The following SNAP25 variants were observed in gnomAD, a reference collection of about 807,000 sequenced individuals.
SNAP25 encodes synaptosome associated protein 25, also known as synaptosomal-associated protein 25.
Under a neutral mutation model 28.7 loss-of-function variants are expected in SNAP25, and 3 were observed. The observed-to-expected ratio is 0.10, with a 90% confidence interval of 0.05 to 0.27. The LOEUF (loss-of-function observed/expected upper bound fraction) is 0.27. SNAP25 is among the 10% of genes least tolerant of loss of function. The pLI, the probability that SNAP25 is intolerant of heterozygous loss-of-function variation, is 1.00. For missense variants in SNAP25, 117 were observed against 278.7 expected (o/e 0.42, Z 4.13); for synonymous variants, 61 against 88.1 (o/e 0.69, Z 1.72).
rs781311888 is a variant in SNAP25, at chr20:10,306,231, C to T, written c.*34C>T. 38 of 1,599,670 alleles carry T rather than the reference C, an allele frequency of 2.4e-5. No individual in the cohort carries two copies. The highest frequency in any genetic ancestry group is 1.7e-4 in the South Asian group (15 of 90,612). Reference sequence around the variant, plus strand: ...ACCCGTGTTCTCCTCCAAATGCTGTCGGGCAAGATAGCTCCTTCATGCTTT... The same window carrying T: ...ACCCGTGTTCTCCTCCAAATGCTGTTGGGCAAGATAGCTCCTTCATGCTTT... On this transcript the variant is annotated 3_prime_UTR_variant, in exon 8 of 8. Coordinates refer to ENST00000254976, the MANE Select transcript of SNAP25 (RefSeq NM_130811.4).
At chr20:10,278,926 G>A (rs1490192705) in intron 3 of SNAP25, among the ~76,000 whole-genome samples, 5 of 139,242 alleles carry the variant, frequency 3.6e-5, no homozygotes, top group African/African-American at 1.0e-4. Context: ...AAGTGGGTGG[G>A]GCGGGGGGTG....
rs71332917 is a variant in SNAP25, at chr20:10,224,257, C to CTTTTTTTTT, written c.-64+5307_-64+5315dup. Reference sequence around the variant, plus strand: ...AATAAGGCATAGAGAATGTACATGTCTTTTTTTTTTTTTTTTTTTTTTTTT... The same window carrying CTTTTTTTTT: ...AATAAGGCATAGAGAATGTACATGTCTTTTTTTTTTTTTTTTTTTTTTTTTTTTTTTTTT... On this transcript the variant is annotated intron_variant, in intron 1 of 7. Coordinates refer to ENST00000254976, the MANE Select transcript of SNAP25 (RefSeq NM_130811.4). Among the ~76,000 whole-genome samples the CTTTTTTTTT allele has an allele frequency of 2.1e-3, 36 of 17,422 alleles. 9 individuals carry two copies. Among genetic ancestry groups the CTTTTTTTTT allele is most frequent in the African/African-American group, 3.2e-3 (12 of 3,694 alleles). 11.4% of individuals were successfully genotyped at this position (17,422 alleles called of 152,430 possible).
At chr20:10,281,727 C>G (rs985343430) in intron 3 of SNAP25, among the ~76,000 whole-genome samples, 2 of 152,138 alleles carry the variant, frequency 1.3e-5, no homozygotes, top group African/African-American at 4.8e-5. Context: ...GAGAATTCCA[C>G]AAAAAGAAAG....
chr20:10,234,784 A>G (rs1379823891), intron 1 of SNAP25, among the ~76,000 whole-genome samples: 1 of 152,254 alleles, frequency 6.6e-6, no homozygotes, highest in Admixed American at 6.5e-5. Context: ...GAATTCAAGC[A>G]GTCTCAGATT....
chr20:10,230,345 T>C (rs1568572737), intron 1 of SNAP25, among the ~76,000 whole-genome samples: 1 of 152,144 alleles, frequency 6.6e-6, no homozygotes, highest in African/African-American at 2.4e-5. Flanking sequence ...AAAGTAGGAA[T>C]TGATGAGTCT....
chr20:10,253,804 T>C (rs914347517), intron 1 of SNAP25, among the ~76,000 whole-genome samples: 7 of 152,188 alleles, frequency 4.6e-5, no homozygotes, highest in African/African-American at 1.4e-4. Context: ...TAGTGACATT[T>C]GTACATTTTG....
At chr20:10,270,241 C>T (rs1333415760) in intron 1 of SNAP25, among the ~76,000 whole-genome samples, 1 of 151,792 alleles carries the variant, frequency 6.6e-6, no homozygotes, top group Non-Finnish European at 1.5e-5. Flanking sequence ...GCAACAAGAG[C>T]GAAACTCTAT....
chr20:10,224,278 T>TTTTTTTTTTTTTTTG (rs2062692803), intron 1 of SNAP25, among the ~76,000 whole-genome samples: 2 of 135,314 alleles, frequency 1.5e-5, no homozygotes, highest in African/African-American at 2.8e-5. Context: ...TTTTTTTTTT[T>TTTTTTTTTTTTTTTG]TTTTTTTTTT....
intron 1 of SNAP25, among the ~76,000 whole-genome samples, chr20:10,248,975 T>C (rs2063177605): frequency 6.6e-6 from 1 of 152,186 alleles, no homozygotes; most frequent in African/African-American, 2.4e-5. Context: ...TACTGTTAAT[T>C]CCGCTTCACA....
At chr20:10,291,123 G>A (rs1328255248) in intron 4 of SNAP25, among the ~76,000 whole-genome samples, 2 of 152,074 alleles carry the variant, frequency 1.3e-5, no homozygotes, top group Non-Finnish European at 2.9e-5. Context: ...GCCCAAGCTG[G>A]AATGCAATAG....
intron 1 of SNAP25, among the ~76,000 whole-genome samples, chr20:10,247,979 C>T (rs534287250): frequency 6.6e-6 from 1 of 152,294 alleles, no homozygotes; most frequent in East Asian, 1.9e-4. Flanking sequence ...AGTGCCTTAG[C>T]TAAGATGATT....
chr20:10,302,993 C>G (rs1371064347), intron 7 of SNAP25, among the ~76,000 whole-genome samples: 1 of 152,122 alleles, frequency 6.6e-6, no homozygotes, highest in Non-Finnish European at 1.5e-5. Flanking sequence ...CAAATATCCC[C>G]AGGTGAAGGC....
At chr20:10,282,588 GA>G (rs1431871419) in intron 3 of SNAP25, among the ~76,000 whole-genome samples, 1 of 152,174 alleles carries the variant, frequency 6.6e-6, no homozygotes, top group Non-Finnish European at 1.5e-5. Context: ...GGGTATAATA[GA>G]ATATCAAGAA....
intron 1 of SNAP25, chr20:10,219,274 T>C (rs757654854): frequency 6.6e-6 from 1 of 152,270 alleles, no homozygotes; most frequent in Non-Finnish European, 1.5e-5. Context: ...CTTTCTTCCA[T>C]TTTGCGATGC....
chr20:10,296,810 T>A (rs2064121823), intron 5 of SNAP25, 115 bp from the exon 6 acceptor site: 4 of 1,505,468 alleles, frequency 2.7e-6, no homozygotes, highest in Admixed American at 1.8e-5. Context: ...TATTATCTAA[T>A]GCCTCGACTT....
chr20:10,242,308 T>C (rs1308072843), intron 1 of SNAP25, among the ~76,000 whole-genome samples: 2 of 152,168 alleles, frequency 1.3e-5, no homozygotes, highest in Non-Finnish European at 1.5e-5. Flanking sequence ...GTGGATTGCA[T>C]CACAGTTACT....
intron 1 of SNAP25, among the ~76,000 whole-genome samples, chr20:10,260,025 T>G (rs2063384168): frequency 6.6e-6 from 1 of 152,148 alleles, no homozygotes; most frequent in African/African-American, 2.4e-5. Context: ...TTCCCTGAAA[T>G]AGGGAACTCA....
chr20:10,282,045 CACAA>C (rs1437019953), intron 3 of SNAP25, among the ~76,000 whole-genome samples: 3 of 152,186 alleles, frequency 2.0e-5, no homozygotes, highest in South Asian at 4.2e-4. Context: ...CAAATTGTCT[CACAA>C]ACAAAGGAAC....
At chr20:10,237,227 A>G (rs1024984246) in intron 1 of SNAP25, among the ~76,000 whole-genome samples, 1 of 152,098 alleles carries the variant, frequency 6.6e-6, no homozygotes, top group African/African-American at 2.4e-5. Flanking sequence ...TCTCAGAGAG[A>G]GTGTACAACA....
Sources: gnomAD v4.1 joint callset for allele counts (sites outside exome capture counted in the v4.1 genomes callset) on GRCh38, gnomAD v4.1.1 for gene constraint, MANE v1.5 for transcripts, NCBI Gene and HGNC (gene_info 2026-07-23, HGNC 2026-07-21) for gene names.